DNAAF19: variants seen among roughly 807,000 people sequenced by gnomAD.
DNAAF19 encodes coiled-coil domain containing 103.
chr17:44,901,380 G>A, the DNAAF19 span: 1 of 1,103,878 alleles, frequency 9.1e-7, no homozygotes, highest in Non-Finnish European at 1.3e-6. Context: ...GTGCTTGAAA[G>A]CAGTCAGCTA....
chr17:44,904,953 G>A, the DNAAF19 span: 8 of 1,550,496 alleles, frequency 5.2e-6, no homozygotes, highest in African/African-American at 5.5e-5. Context: ...CCTGAGACTC[G>A]CTCGGCTGTG....
At chr17:44,904,288 G>T in the DNAAF19 span, 1 of 1,549,236 alleles carries the variant, frequency 6.5e-7, no homozygotes, top group South Asian at 1.2e-5. Context: ...TCCAGGACAA[G>T]GGCCAGGAGC....
chr17:44,901,582 G>A, the DNAAF19 span: 1 of 1,614,186 alleles, frequency 6.2e-7, no homozygotes, highest in Non-Finnish European at 8.5e-7. Context: ...GGAGGAAAGA[G>A]AACTGTGCCC....
the DNAAF19 span, chr17:44,903,736 T>C: frequency 0.33 from 483,286 of 1,453,370 alleles, 81,363 homozygotes; most frequent in Non-Finnish European, 0.35. Flanking sequence ...TTTCCTCATC[T>C]AGAGGCTTCC....
chr17:44,905,095 C>G, the DNAAF19 span: 1 of 1,479,458 alleles, frequency 6.8e-7, no homozygotes. Context: ...CTCTGAAGAC[C>G]AGTTGTCCTT....
the DNAAF19 span, chr17:44,902,252 A>T: frequency 7.1e-7 from 1 of 1,415,550 alleles, no homozygotes; most frequent in Non-Finnish European, 1.0e-6. Flanking sequence ...CCCAGTGCTC[A>T]GACAGTAGTG....
At chr17:44,902,441 A>C in the DNAAF19 span, 12 of 1,614,192 alleles carry the variant, frequency 7.4e-6, no homozygotes, top group Admixed American at 1.8e-4. Flanking sequence ...AGTGGGCCAG[A>C]GCGCTACCAG....
At chr17:44,900,739 G>A in the DNAAF19 span, among the ~76,000 whole-genome samples, 1 of 152,324 alleles carries the variant, frequency 6.6e-6, no homozygotes, top group South Asian at 2.1e-4. Context: ...GCAAAATTAA[G>A]ACAGAACTCC....
chr17:44,903,709 T>C, the DNAAF19 span: 2 of 1,441,298 alleles, frequency 1.4e-6, no homozygotes, highest in African/African-American at 1.4e-5. Context: ...TTGCTGCTTT[T>C]CCTGGCTGCA....
At chr17:44,904,958 G>T in the DNAAF19 span, 1 of 1,550,700 alleles carries the variant, frequency 6.4e-7, no homozygotes, top group South Asian at 1.2e-5. Flanking sequence ...GACTCGCTCG[G>T]CTGTGGAGCT....
the DNAAF19 span, chr17:44,902,723 G>A: frequency 6.2e-7 from 1 of 1,612,840 alleles, no homozygotes; most frequent in Non-Finnish European, 8.5e-7. Context: ...GAGGGGCTCA[G>A]CTGGGAGGAG....
the DNAAF19 span, chr17:44,903,723 T>C: frequency 2.1e-6 from 3 of 1,446,720 alleles, no homozygotes; most frequent in Non-Finnish European, 2.7e-6. Flanking sequence ...GGCTGCATAA[T>C]CCTTTCCTCA....
At chr17:44,902,377 C>T in the DNAAF19 span, 2 of 1,614,110 alleles carry the variant, frequency 1.2e-6, no homozygotes, top group Non-Finnish European at 1.7e-6. Context: ...GAAAGCCCCC[C>T]TCCAGCCCGA....
the DNAAF19 span, chr17:44,901,003 A>G: frequency 1.0e-5 from 16 of 1,602,250 alleles, no homozygotes; most frequent in Non-Finnish European, 1.4e-5. Flanking sequence ...CAGGCCATGG[A>G]AAGGAATGAC....
At chr17:44,899,867 C>G in the DNAAF19 span, 1 of 152,264 alleles carries the variant, frequency 6.6e-6, no homozygotes, top group Non-Finnish European at 1.5e-5. Context: ...AGGGTTAGTT[C>G]TATGTATTAA....
chr17:44,904,149 T>A, the DNAAF19 span: 2 of 1,550,354 alleles, frequency 1.3e-6, no homozygotes, highest in Non-Finnish European at 1.7e-6. Context: ...AGCATCCGCA[T>A]GTTCAGCTTG....
chr17:44,901,110 GAAC>G, the DNAAF19 span: 1 of 1,608,300 alleles, frequency 6.2e-7, no homozygotes, highest in East Asian at 2.2e-5. Flanking sequence ...ACGGGCAGTG[GAAC>G]AGAGGGTGGC....
At chr17:44,901,268 C>T in the DNAAF19 span, 1 of 1,163,392 alleles carries the variant, frequency 8.6e-7, no homozygotes, top group African/African-American at 1.6e-5. Context: ...ATGCAATTTC[C>T]TTAACTTCTC....
At chr17:44,904,274 A>G in the DNAAF19 span, 2 of 1,550,134 alleles carry the variant, frequency 1.3e-6, no homozygotes, top group Non-Finnish European at 1.7e-6. Flanking sequence ...AATGGTGGCC[A>G]CTTTCCAGGA....
Sources: allele counts gnomAD v4.1 joint callset (sites outside exome capture counted in the v4.1 genomes callset), GRCh38; gene constraint gnomAD v4.1.1; transcripts MANE v1.5; gene names NCBI Gene and HGNC (gene_info 2026-07-23, HGNC 2026-07-21).